The following TENM3 variants were observed in gnomAD, a reference collection of about 807,000 sequenced individuals.
TENM3 encodes the protein teneurin-3.
In TENM3, 63 loss-of-function variants were observed where a neutral mutation model predicts 255.1. The observed-to-expected ratio is 0.25, with a 90% confidence interval of 0.20 to 0.30. The LOEUF (loss-of-function observed/expected upper bound fraction) is 0.30. TENM3 is among the 10% of genes least tolerant of loss of function. TENM3 has a pLI of 1.00. For synonymous variants in TENM3, 1,306 were observed against 1,322.3 expected (o/e 0.99, Z 0.27); for missense variants, 2,929 against 3,461.1 (o/e 0.85, Z 3.86).
chr4:181,998,038 G>A, the TENM3 span, among the ~76,000 whole-genome samples: 2 of 152,178 alleles, frequency 1.3e-5, no homozygotes, highest in Admixed American at 1.3e-4. Flanking sequence ...CAACTTGTTT[G>A]CACAACAGTT....
At chr4:181,700,957 A>G in the TENM3 span, among the ~76,000 whole-genome samples, 1 of 152,220 alleles carries the variant, frequency 6.6e-6, no homozygotes, top group Non-Finnish European at 1.5e-5. Flanking sequence ...AGCAATTTTT[A>G]TATTTTACAC....
intron 1 of TENM3, among the ~76,000 whole-genome samples, chr4:182,221,612 A>T (rs767758637): frequency 6.6e-6 from 1 of 152,218 alleles, no homozygotes; most frequent in Non-Finnish European, 1.5e-5. Flanking sequence ...CAATATATAT[A>T]CCATCCATTT....
At chr4:181,540,346 G>A in the TENM3 span, among the ~76,000 whole-genome samples, 2 of 151,960 alleles carry the variant, frequency 1.3e-5, no homozygotes, top group African/African-American at 2.4e-5. Flanking sequence ...GGGGAGAAAC[G>A]ACAAACCCCT....
chr4:182,244,015 G>T (rs1161191546), intron 1 of TENM3, among the ~76,000 whole-genome samples: 1 of 145,058 alleles, frequency 6.9e-6, no homozygotes, highest in East Asian at 2.0e-4. Flanking sequence ...GTGCAGTGGC[G>T]TGACCTCGGC....
At chr4:181,762,366 C>G in the TENM3 span, among the ~76,000 whole-genome samples, 1 of 152,160 alleles carries the variant, frequency 6.6e-6, no homozygotes, top group Non-Finnish European at 1.5e-5. Flanking sequence ...TATGTGTATT[C>G]ATTTCCATTC....
At chr4:182,331,875 AAAAG>A (rs1454553140) in intron 2 of TENM3, among the ~76,000 whole-genome samples, 2 of 152,222 alleles carry the variant, frequency 1.3e-5, no homozygotes, top group African/African-American at 2.4e-5. Context: ...AACTATTAAA[AAAAG>A]AAAGATTGTT....
chr4:182,615,070 T>TATA (rs201005312), intron 4 of TENM3, among the ~76,000 whole-genome samples: 1 of 82,590 alleles, frequency 1.2e-5, no homozygotes, highest in Admixed American at 1.2e-4. Flanking sequence ...TATATATGTA[T>TATA]TTTTTTTTTC....
the TENM3 span, among the ~76,000 whole-genome samples, chr4:181,839,372 TATATATATATATAC>T: frequency 0.065 from 3,614 of 55,934 alleles, 153 homozygotes; most frequent in Non-Finnish European, 0.075. Flanking sequence ...TATATATATA[TATATATATATATAC>T]ACCTATATAC....
the TENM3 span, among the ~76,000 whole-genome samples, chr4:181,635,717 T>G: frequency 6.6e-6 from 1 of 152,294 alleles, no homozygotes; most frequent in African/African-American, 2.4e-5. Flanking sequence ...ATGCTTCTCC[T>G]TTTACATGTT....
At chr4:182,522,704 A>T (rs1336275689) in intron 3 of TENM3, among the ~76,000 whole-genome samples, 1 of 152,232 alleles carries the variant, frequency 6.6e-6, no homozygotes, top group Admixed American at 6.5e-5. Context: ...TTATCCACTT[A>T]TCTGTTGATG....
rs527853663 is a variant in TENM3, at chr4:182,759,704, G to T, written c.4892+4445G>T. On this transcript the variant is annotated intron_variant, in intron 22 of 27. Coordinates refer to ENST00000511685, the MANE Select transcript of TENM3 (RefSeq NM_001080477.4). Reference sequence around the variant, plus strand: ...AGGATATTATTGTATCTGGTATCAGGAAGAATTCTAGGAGAAGAAAGCCTG... The same window carrying T: ...AGGATATTATTGTATCTGGTATCAGTAAGAATTCTAGGAGAAGAAAGCCTG... 7.9e-5 allele frequency among the ~76,000 whole-genome samples: 12 copies of T among 152,300 alleles called. No homozygotes were observed. The East Asian group carries it at 2.3e-3, about 29-fold the overall frequency.
chr4:182,350,240 A>G (rs1765082072), intron 3 of TENM3: 1 of 152,560 alleles, frequency 6.6e-6, no homozygotes, highest in African/African-American at 2.4e-5. Flanking sequence ...CCACAAGAGT[A>G]AGAGAACATT....
In TENM3 at chr4:182,729,160, G is replaced by A; in HGVS notation, c.2564G>A (p.Gly855Glu). 3.7e-6 allele frequency: 6 copies of A among 1,613,870 alleles called. No individual in the cohort carries two copies. The highest frequency in any genetic ancestry group is 5.1e-6 in the Non-Finnish European group (6 of 1,179,806). Residue 855 changes from glycine (G) to glutamate (E), a missense_variant, in exon 14 of 28, where the codon GGA becomes GAA. Physicochemically the swap from Gly to Glu is moderately conservative, Grantham distance 98 (BLOSUM62 -2). Transcript: ENST00000511685. The stretch of plus-strand genomic sequence containing the variant: ...TCTGATAGCACCCATGTTATACCTG[G>A]AGAAAGTCCTTTCAATAAGAGGTTA... ...IGSDSTHVIP[G>E]ESPFNKSLAS...
chr4:182,687,615 G>C (rs1239527685), intron 11 of TENM3, among the ~76,000 whole-genome samples: 3 of 152,172 alleles, frequency 2.0e-5, no homozygotes, highest in African/African-American at 7.2e-5. Flanking sequence ...TTACATGCAT[G>C]TCTGTGTCAG....
intron 26 of TENM3, among the ~76,000 whole-genome samples, chr4:182,796,016 C>T (rs960930881): frequency 2.0e-5 from 3 of 152,200 alleles, no homozygotes; most frequent in Non-Finnish European, 4.4e-5. Flanking sequence ...TCCGGGTTCT[C>T]TCCCCAAAAA....
chr4:182,093,547 G>C, the TENM3 span, among the ~76,000 whole-genome samples: 7 of 152,302 alleles, frequency 4.6e-5, no homozygotes, highest in East Asian at 1.4e-3. Flanking sequence ...AGAGTGCAGA[G>C]ACAGGTGGCA....
intron 3 of TENM3, among the ~76,000 whole-genome samples, chr4:182,532,659 T>C (rs1258278771): frequency 6.6e-6 from 1 of 152,200 alleles, no homozygotes; most frequent in Non-Finnish European, 1.5e-5. Flanking sequence ...CTTCTCTTTT[T>C]GTACAGTACT....
chr4:182,266,193 G>A (rs1051615850), intron 1 of TENM3, among the ~76,000 whole-genome samples: 10 of 152,202 alleles, frequency 6.6e-5, no homozygotes, highest in African/African-American at 1.7e-4. Context: ...AAAAATAGAA[G>A]TTGCTAAGAG....
chr4:181,565,533 T>C, the TENM3 span, among the ~76,000 whole-genome samples: 3 of 152,298 alleles, frequency 2.0e-5, no homozygotes, highest in South Asian at 4.1e-4. Context: ...TGGCGAAGTA[T>C]GTGCAGAATA....
Sources: gnomAD v4.1 joint callset for allele counts (sites outside exome capture counted in the v4.1 genomes callset) on GRCh38, gnomAD v4.1.1 for gene constraint, MANE v1.5 for transcripts, NCBI Gene and HGNC (gene_info 2026-07-23, HGNC 2026-07-21) for gene names.